The following SH2D4B variants were observed in gnomAD, a reference collection of about 807,000 sequenced individuals.
The protein encoded by SH2D4B is SH2 domain containing 4B.
In SH2D4B, 45 loss-of-function variants were observed where a neutral mutation model predicts 61.5. That is an observed-to-expected ratio of 0.73 (90% CI 0.58 to 0.94). The LOEUF is 0.94. SH2D4B is among the 40% of genes least tolerant of loss of function. SH2D4B has a pLI of 0.00. For missense variants in SH2D4B, 572 were observed against 574.2 expected, an observed-to-expected ratio of 1.00 and a Z score of 0.04; for synonymous variants, 224 against 220.4, an observed-to-expected ratio of 1.02 and a Z score of -0.14.
At chr10:80,588,533 T>G in intron 3 of SH2D4B, 97 bp from the exon 4 acceptor site, 1 of 1,500,588 alleles carries the variant, frequency 6.7e-7, no homozygotes, top group Non-Finnish European at 9.1e-7. Flanking sequence ...TGCTGCACTC[T>G]CAGCCCCATC....
chr10:80,627,606 A>T (rs568424964), intron 6 of SH2D4B, among the ~76,000 whole-genome samples: 1 of 151,674 alleles, frequency 6.6e-6, no homozygotes, highest in East Asian at 2.0e-4. Flanking sequence ...TGTGGCCTTT[A>T]TCACCATTGC....
chr10:80,567,926 G>A (rs1284995295), intron 1 of SH2D4B, among the ~76,000 whole-genome samples: 2 of 152,146 alleles, frequency 1.3e-5, no homozygotes, highest in Admixed American at 1.3e-4. Flanking sequence ...AACTTAGGGG[G>A]CTTCTGTTCG....
rs373261693 is a variant in SH2D4B, at chr10:80,570,158, G to A, written c.189G>A (p.Ala63=). ...GLRPPKTKRA[A]SDKHIQWLLG... Reference sequence around the variant, plus strand: ...CTTCCTTCTTCTATTGTGAAGCAGCGAGTGACAAGCACATCCAATGGCTCC... The same window carrying A: ...CTTCCTTCTTCTATTGTGAAGCAGCAAGTGACAAGCACATCCAATGGCTCC... The change falls in exon 2 of 8, where the codon GCG becomes GCA. Residue 63 remains alanine, a synonymous_variant. Transcript: ENST00000646907. The A allele has an allele frequency of 5.1e-5, 83 of 1,614,024 alleles. No homozygotes were observed. The highest frequency in any genetic ancestry group is 4.0e-4 in the African/African-American group (30 of 75,030).
At chr10:80,598,144 T>C (rs1440491701) in intron 4 of SH2D4B, among the ~76,000 whole-genome samples, 2 of 152,200 alleles carry the variant, frequency 1.3e-5, no homozygotes, top group Non-Finnish European at 2.9e-5. Context: ...TTGAGCAAGC[T>C]CTTGCTCAGT....
chr10:80,592,212 A>G (rs139322654), intron 4 of SH2D4B, among the ~76,000 whole-genome samples: 364 of 152,246 alleles, frequency 2.4e-3, no homozygotes, highest in African/African-American at 8.5e-3. Flanking sequence ...GTCTATTCCA[A>G]TTATTTACCC....
chr10:80,622,453 C>T (rs866901408), intron 6 of SH2D4B, among the ~76,000 whole-genome samples: 2 of 152,228 alleles, frequency 1.3e-5, no homozygotes, highest in Admixed American at 6.5e-5. Context: ...TCTAACTCCA[C>T]GGAGCTGCTG....
chr10:80,568,714 C>T lies in SH2D4B; in HGVS notation c.185-1440C>T, dbSNP rs186289832. The stretch of plus-strand genomic sequence containing the variant: ...GTATATGAAGAGATGCTTTTTCAAT[C>T]CTACAACATCTCAAATTTCTGTATT... On this transcript the variant is annotated intron_variant, in intron 1 of 7. Coordinates refer to ENST00000646907, the MANE Select transcript of SH2D4B (RefSeq NM_001388272.1). Among the ~76,000 whole-genome samples the T allele has an allele frequency of 8.9e-4, 135 of 152,320 alleles. 1 individual carries two copies. The highest frequency in any genetic ancestry group is 3.0e-3 in the African/African-American group (125 of 41,590).
chr10:80,632,045 C>T (rs1589364316), intron 6 of SH2D4B, among the ~76,000 whole-genome samples: 1 of 152,244 alleles, frequency 6.6e-6, no homozygotes, highest in Middle Eastern at 3.4e-3. Flanking sequence ...ACAAATGATC[C>T]TCTTGCCTCG....
chr10:80,558,030 TTTAAAATATTTCTTCAA>T (rs1417117213), intron 1 of SH2D4B, among the ~76,000 whole-genome samples: 2 of 152,156 alleles, frequency 1.3e-5, no homozygotes, highest in African/African-American at 4.8e-5. Flanking sequence ...TTACATGTTA[TTTAAAATATTTCTTCAA>T]TTAAAATATT....
intron 3 of SH2D4B, among the ~76,000 whole-genome samples, chr10:80,586,578 C>T (rs1842252461): frequency 6.6e-6 from 1 of 152,128 alleles, no homozygotes; most frequent in South Asian, 2.1e-4. Context: ...ACCTTTGTGT[C>T]TAGCTCAGGG....
At chr10:80,572,315 TG>T (rs1244982793) in intron 3 of SH2D4B, among the ~76,000 whole-genome samples, 1 of 152,190 alleles carries the variant, frequency 6.6e-6, no homozygotes, top group Non-Finnish European at 1.5e-5. Context: ...TCACATTTTG[TG>T]GTCTAGGATA....
Position 80,634,510 on chromosome 10 carries a change from C to T in SH2D4B, c.1209+5C>T, listed in dbSNP as rs1453671784. On this transcript the variant is annotated splice_donor_5th_base_variant and intron_variant, in intron 7 of 7. Coordinates refer to ENST00000646907, the MANE Select transcript of SH2D4B (RefSeq NM_001388272.1). Reference sequence around the variant, plus strand: ...GATCTCGTTGATTTCCATAAGGTATCCCTCACAGGGATACTAATGGGGGGG... The same window carrying T: ...GATCTCGTTGATTTCCATAAGGTATTCCTCACAGGGATACTAATGGGGGGG... 1 of 1,549,220 alleles carries T rather than the reference C, an allele frequency of 6.5e-7. No individual in the cohort carries two copies. Among genetic ancestry groups the T allele is most frequent in the Admixed American group, 2.0e-5 (1 of 50,970 alleles).
intron 7 of SH2D4B, among the ~76,000 whole-genome samples, chr10:80,641,937 C>A (rs1240347920): frequency 3.3e-5 from 5 of 152,166 alleles, no homozygotes; most frequent in Non-Finnish European, 7.4e-5. Flanking sequence ...AAATCAAATA[C>A]AATACAAAGT....
intron 6 of SH2D4B, among the ~76,000 whole-genome samples, chr10:80,610,942 A>G (rs7079356): frequency 0.55 from 83,772 of 151,842 alleles, 25,020 homozygotes; most frequent in African/African-American, 0.77. Context: ...AGGCTGAGGC[A>G]GGAGGATCAC....
At chr10:80,608,879 C>T (rs773266223) in intron 5 of SH2D4B, among the ~76,000 whole-genome samples, 7 of 152,140 alleles carry the variant, frequency 4.6e-5, no homozygotes, top group Admixed American at 6.6e-5. Flanking sequence ...CTTACAAAAG[C>T]GCAGGAGTTG....
chr10:80,538,936 C>T lies in SH2D4B; in HGVS notation c.184+421C>T, dbSNP rs985464744. 2.0e-5 allele frequency among the ~76,000 whole-genome samples: 3 copies of T among 151,900 alleles called. No individual in the cohort carries two copies. The highest frequency in any genetic ancestry group is 7.3e-5 in the African/African-American group (3 of 41,304). Reference sequence around the variant, plus strand: ...ATGCAGTTCCTTTCTCCTTGGCATGCGTGGCACACCAGTTCTTGGCTAGGG... The same window carrying T: ...ATGCAGTTCCTTTCTCCTTGGCATGTGTGGCACACCAGTTCTTGGCTAGGG... On this transcript the variant is annotated intron_variant, in intron 1 of 7. Coordinates refer to ENST00000646907, the MANE Select transcript of SH2D4B (RefSeq NM_001388272.1). This position sits in a 1 kb window ranked among gnomAD's most constrained non-coding sequence, Gnocchi z 4.8.
chr10:80,623,300 T>C (rs1842736803), intron 6 of SH2D4B, among the ~76,000 whole-genome samples: 1 of 152,226 alleles, frequency 6.6e-6, no homozygotes, highest in African/African-American at 2.4e-5. Context: ...ATAGGCAGGT[T>C]TGGTGTCTGT....
chr10:80,553,760 A>T (rs1443630372), intron 1 of SH2D4B, among the ~76,000 whole-genome samples: 1 of 152,214 alleles, frequency 6.6e-6, no homozygotes, highest in East Asian at 1.9e-4. Flanking sequence ...TGCTGAATAC[A>T]ATATCAAATA....
intron 3 of SH2D4B, among the ~76,000 whole-genome samples, chr10:80,577,673 G>A (rs1051994685): frequency 6.6e-6 from 1 of 151,746 alleles, no homozygotes; most frequent in Non-Finnish European, 1.5e-5. Flanking sequence ...CGATCCACCC[G>A]CCTCAGCCTC....
Sources: gnomAD v4.1 joint callset for allele counts (sites outside exome capture counted in the v4.1 genomes callset) on GRCh38, gnomAD v4.1.1 for gene constraint, Gnocchi (gnomAD v3.1) non-coding constraint, MANE v1.5 for transcripts, NCBI Gene and HGNC (gene_info 2026-07-23, HGNC 2026-07-21) for gene names.